Variants in PALM2AKAP2 observed in about 807,000 individuals in gnomAD.
PALM2AKAP2 encodes PALM2 and AKAP2 fusion.
In PALM2AKAP2, 37 loss-of-function variants were observed where a neutral mutation model predicts 71.5. The observed-to-expected ratio is 0.52, with a 90% confidence interval of 0.40 to 0.68. PALM2AKAP2 has a LOEUF of 0.68. Ranked by LOEUF, PALM2AKAP2 falls within the 30% of genes least tolerant of loss-of-function variation. The probability of loss-of-function intolerance (pLI) is 0.00; values close to 1 mark genes in which losing one functional copy is unlikely to be tolerated. For synonymous variants in PALM2AKAP2, 468 were observed against 478.8 expected (o/e 0.98, Z 0.29); for missense variants, 1,224 against 1,191.8 (o/e 1.03, Z -0.40).
intron 1 of PALM2AKAP2, among the ~76,000 whole-genome samples, chr9:109,723,433 G>A (rs1828433112): frequency 1.3e-5 from 2 of 152,134 alleles, no homozygotes; most frequent in African/African-American, 4.8e-5. Flanking sequence ...TTACCAGGTA[G>A]CAAAAGATGA....
chr9:109,902,528 T>TA (rs909645393), intron 3 of PALM2AKAP2, among the ~76,000 whole-genome samples: 1 of 152,260 alleles, frequency 6.6e-6, no homozygotes, highest in Non-Finnish European at 1.5e-5. Flanking sequence ...AGTAGCTGGA[T>TA]ACTCCAGGAA....
intron 7 of PALM2AKAP2, among the ~76,000 whole-genome samples, chr9:110,026,763 G>T (rs1833188023): frequency 6.6e-6 from 1 of 152,138 alleles, no homozygotes; most frequent in African/African-American, 2.4e-5. Context: ...AGCCAGTAAG[G>T]CCAGGCGTGG....
chr9:109,826,273 G>A, intron 1 of PALM2AKAP2, among the ~76,000 whole-genome samples: 1 of 152,090 alleles, frequency 6.6e-6, no homozygotes, highest in Non-Finnish European at 1.5e-5. Context: ...TAAATGATGA[G>A]TTACTGGGTG....
chr9:109,867,748 A>G (rs41312206), intron 2 of PALM2AKAP2, among the ~76,000 whole-genome samples, 177 bp downstream of exon 2: 2,651 of 152,296 alleles, frequency 0.017, 30 homozygotes, highest in Middle Eastern at 0.044. Context: ...TCAGGGCATT[A>G]TTACAGCATT....
chr9:109,710,826 G>T (rs2118606858), intron 1 of PALM2AKAP2, among the ~76,000 whole-genome samples: 1 of 152,288 alleles, frequency 6.6e-6, no homozygotes, highest in African/African-American at 2.4e-5. Flanking sequence ...TGCAGCCAAT[G>T]GTGTCTGCCA....
chr9:109,932,053 C>A, intron 6 of PALM2AKAP2, 25 bp downstream of exon 6: 1 of 1,600,588 alleles, frequency 6.2e-7, no homozygotes. Flanking sequence ...CCTTTGGACG[C>A]TAGGATGGTC....
At chr9:110,123,188 G>C (rs957825620) in intron 1 of PALM2AKAP2, among the ~76,000 whole-genome samples, 6 of 152,230 alleles carry the variant, frequency 3.9e-5, no homozygotes. Flanking sequence ...TGAGTATATA[G>C]ATTAGTTTGT....
intron 7 of PALM2AKAP2, among the ~76,000 whole-genome samples, chr9:110,040,333 T>A (rs1440508987): frequency 2.0e-5 from 3 of 152,260 alleles, no homozygotes; most frequent in African/African-American, 4.8e-5. Context: ...TATATAAACA[T>A]AATATGCCTT....
chr9:110,141,545 C>A (rs1380907646), intron 2 of PALM2AKAP2, among the ~76,000 whole-genome samples: 2 of 152,236 alleles, frequency 1.3e-5, no homozygotes, highest in Non-Finnish European at 2.9e-5. Flanking sequence ...GGCTGGCCAA[C>A]CTCCAAGTTC....
intron 5 of PALM2AKAP2, among the ~76,000 whole-genome samples, chr9:109,930,737 A>G (rs555151324): frequency 4.5e-4 from 68 of 152,286 alleles, no homozygotes; most frequent in Admixed American, 7.8e-4. Flanking sequence ...ACGAGTGGGG[A>G]TGCAGAGGAG....
At chr9:109,806,520 G>A (rs1827576577) in intron 1 of PALM2AKAP2, among the ~76,000 whole-genome samples, 1 of 152,210 alleles carries the variant, frequency 6.6e-6, no homozygotes, top group African/African-American at 2.4e-5. Flanking sequence ...TACTATGTTT[G>A]TATAGTTTGT....
chr9:109,827,352 A>AT (rs1246206245), intron 1 of PALM2AKAP2, among the ~76,000 whole-genome samples: 2 of 152,198 alleles, frequency 1.3e-5, no homozygotes, highest in Non-Finnish European at 2.9e-5. Context: ...GCGGTGGCTC[A>AT]TGACTGTAAT....
chr9:109,780,240 G>C (rs1258595094), upstream of PALM2AKAP2: 9 of 1,099,578 alleles, frequency 8.2e-6, no homozygotes, highest in Admixed American at 5.1e-5. Flanking sequence ...GGCGGCGACC[G>C]GGAGATGCAG....
intron 1 of PALM2AKAP2, among the ~76,000 whole-genome samples, chr9:109,866,693 C>T (rs781208058): frequency 3.9e-5 from 6 of 152,284 alleles, no homozygotes; most frequent in South Asian, 2.1e-4. Context: ...AGGCCTTTTA[C>T]GTTACATCAT....
intron 1 of PALM2AKAP2, among the ~76,000 whole-genome samples, chr9:109,861,684 C>T (rs1165576018): frequency 1.3e-5 from 2 of 152,190 alleles, no homozygotes; most frequent in Non-Finnish European, 2.9e-5. Context: ...ACTTCCCCCG[C>T]CTTTCTCCCC....
intron 1 of PALM2AKAP2, among the ~76,000 whole-genome samples, chr9:110,094,801 C>T (rs1834798613): frequency 6.6e-6 from 1 of 152,208 alleles, no homozygotes; most frequent in Non-Finnish European, 1.5e-5. Flanking sequence ...TTTATCTTGC[C>T]ATGCCTTTGT....
At chr9:110,010,317 G>A (rs1588056986) in intron 6 of PALM2AKAP2, among the ~76,000 whole-genome samples, 1 of 151,880 alleles carries the variant, frequency 6.6e-6, no homozygotes, top group African/African-American at 2.4e-5. Context: ...TCTTCTCAAA[G>A]ACATTATAAG....
intron 1 of PALM2AKAP2, among the ~76,000 whole-genome samples, chr9:110,074,257 C>T (rs1002609865): frequency 2.0e-5 from 3 of 152,130 alleles, no homozygotes; most frequent in African/African-American, 7.2e-5. Context: ...GAAGCTGAAG[C>T]GGGAGGATCC....
intron 1 of PALM2AKAP2, among the ~76,000 whole-genome samples, chr9:110,050,625 CT>C (rs374720864): frequency 5.0e-4 from 76 of 150,656 alleles, no homozygotes; most frequent in African/African-American, 1.8e-3. Flanking sequence ...CTTTTCTTTT[CT>C]TTTTTTTTCT....
Sources: gnomAD v4.1 joint callset for allele counts (sites outside exome capture counted in the v4.1 genomes callset) on GRCh38, gnomAD v4.1.1 for gene constraint, MANE v1.5 for transcripts, NCBI Gene and HGNC (gene_info 2026-07-23, HGNC 2026-07-21) for gene names.